Variants in TMCC1 observed in about 807,000 individuals in gnomAD.
TMCC1 encodes the protein transmembrane and coiled-coil domains protein 1.
Under a neutral mutation model 52.4 loss-of-function variants are expected in TMCC1, and 15 were observed. The ratio of observed to expected loss-of-function variants is 0.29; its 90% confidence interval spans 0.19 to 0.44. The LOEUF (loss-of-function observed/expected upper bound fraction) is 0.44, where lower values mean the gene tolerates loss of function less well. TMCC1 is among the 20% of genes least tolerant of loss of function. The pLI is 1.00. For synonymous variants in TMCC1, 279 were observed against 301.9 expected (o/e 0.92, Z 0.79); for missense variants, 503 against 806.0 (o/e 0.62, Z 4.55).
chr3:129,659,651 G>C (rs2086895036), intron 5 of TMCC1, among the ~76,000 whole-genome samples: 1 of 152,118 alleles, frequency 6.6e-6, no homozygotes, highest in African/African-American at 2.4e-5. Flanking sequence ...ATAAACCAAT[G>C]TTTATCATAA....
chr3:129,890,122 T>C (rs1235326841), intron 1 of TMCC1, among the ~76,000 whole-genome samples: 1 of 152,130 alleles, frequency 6.6e-6, no homozygotes, highest in African/African-American at 2.4e-5. Flanking sequence ...CTCTCCATAA[T>C]ATCTTTAAAA....
At chr3:129,767,837 C>T (rs1003840730) in intron 4 of TMCC1, among the ~76,000 whole-genome samples, 3 of 152,146 alleles carry the variant, frequency 2.0e-5, no homozygotes, top group African/African-American at 4.8e-5. Flanking sequence ...CATTTGAATG[C>T]TTTACTAAAG....
intron 1 of TMCC1, chr3:129,892,690 C>A (rs995210242): frequency 6.6e-6 from 1 of 152,218 alleles, no homozygotes; most frequent in Non-Finnish European, 1.5e-5. Context: ...GCCAACAGCT[C>A]AAGTGGGCTG....
chr3:129,769,287 T>A (rs2054360145), intron 4 of TMCC1, among the ~76,000 whole-genome samples: 2 of 152,224 alleles, frequency 1.3e-5, no homozygotes, highest in African/African-American at 4.8e-5. Context: ...TGGAGTGCAG[T>A]GGTGCGAACT....
chr3:129,757,803 C>T (rs2053152311), intron 4 of TMCC1, among the ~76,000 whole-genome samples: 1 of 151,846 alleles, frequency 6.6e-6, no homozygotes, highest in Non-Finnish European at 1.5e-5. Flanking sequence ...GCAGTCCAGC[C>T]TGGGTGACAG....
At chr3:129,738,727 A>AAAAAGT (rs1171514224) in intron 4 of TMCC1, among the ~76,000 whole-genome samples, 1 of 152,238 alleles carries the variant, frequency 6.6e-6, no homozygotes, top group Non-Finnish European at 1.5e-5. Flanking sequence ...TGGCGATTAA[A>AAAAAGT]AAAAGTGTTT....
intron 4 of TMCC1, among the ~76,000 whole-genome samples, chr3:129,827,310 C>T (rs73866135): frequency 0.015 from 2,358 of 152,268 alleles, 47 homozygotes; most frequent in African/African-American, 0.054. Flanking sequence ...AATGTATATG[C>T]TCTACTGTGG....
intron 2 of TMCC1, among the ~76,000 whole-genome samples, chr3:129,857,876 T>C (rs784713): frequency 0.98 from 149,869 of 152,370 alleles, 73,762 homozygotes; most frequent in Non-Finnish European, 1. Flanking sequence ...TCCAAGTAAC[T>C]GTTAACACAT....
chr3:129,789,155 T>C (rs1276173930), intron 4 of TMCC1, among the ~76,000 whole-genome samples: 2 of 152,184 alleles, frequency 1.3e-5, no homozygotes, highest in African/African-American at 4.8e-5. Flanking sequence ...TTCAGGACTG[T>C]TAATTACATA....
chr3:129,654,244 G>A (rs1053479729), intron 6 of TMCC1, among the ~76,000 whole-genome samples: 1 of 152,190 alleles, frequency 6.6e-6, no homozygotes, highest in African/African-American at 2.4e-5. Flanking sequence ...ACTATAGACA[G>A]ACAATGGATG....
chr3:129,748,845 C>G (rs1459848083), intron 4 of TMCC1, among the ~76,000 whole-genome samples: 1 of 151,744 alleles, frequency 6.6e-6, no homozygotes, highest in East Asian at 1.9e-4. Flanking sequence ...TCTACTAAAA[C>G]TACAAAAATT....
chr3:129,667,011 C>T (rs144961914), intron 5 of TMCC1, among the ~76,000 whole-genome samples: 7,276 of 151,582 alleles, frequency 0.048, 270 homozygotes, highest in Non-Finnish European at 0.071. Context: ...AAGCAATTCT[C>T]CTGCCTCAGC....
intron 4 of TMCC1, among the ~76,000 whole-genome samples, chr3:129,769,450 G>A (rs1372473516): frequency 6.6e-6 from 1 of 151,788 alleles, no homozygotes; most frequent in African/African-American, 2.4e-5. Flanking sequence ...GGCTGGTCTC[G>A]AACTCATGAC....
At chr3:129,777,570 G>C (rs2055144622) in intron 4 of TMCC1, among the ~76,000 whole-genome samples, 1 of 152,144 alleles carries the variant, frequency 6.6e-6, no homozygotes, top group African/African-American at 2.4e-5. Flanking sequence ...CCCAGAGAAA[G>C]ACAACATATT....
At chr3:129,709,497 A>AAAAAGAG (rs554837910) in intron 4 of TMCC1, among the ~76,000 whole-genome samples, 3,533 of 64,194 alleles carry the variant, frequency 0.055, 701 homozygotes, top group African/African-American at 0.1. Context: ...AAAAAAAAAA[A>AAAAAGAG]AGAGAGAGAG....
intron 4 of TMCC1, among the ~76,000 whole-genome samples, chr3:129,826,010 G>A (rs2107828966): frequency 6.6e-6 from 1 of 152,216 alleles, no homozygotes; most frequent in Non-Finnish European, 1.5e-5. Flanking sequence ...TTCTCTTGAA[G>A]TTTTCCAATA....
chr3:129,686,270 T>C (rs2089401310), intron 4 of TMCC1, among the ~76,000 whole-genome samples: 1 of 152,142 alleles, frequency 6.6e-6, no homozygotes, highest in Non-Finnish European at 1.5e-5. Flanking sequence ...ATACAAAATA[T>C]TTGCATTTTT....
At chr3:129,732,837 GAAAGAAAAAGGAAA>G (rs2050647803) in intron 4 of TMCC1, among the ~76,000 whole-genome samples, 1 of 152,066 alleles carries the variant, frequency 6.6e-6, no homozygotes, top group East Asian at 1.9e-4. Flanking sequence ...GAGAACAGAG[GAAAGAAAAAGGAAA>G]AAAGAAAAAG....
At chr3:129,874,660 C>A (rs2061103739) in intron 2 of TMCC1, among the ~76,000 whole-genome samples, 2 of 152,142 alleles carry the variant, frequency 1.3e-5, no homozygotes, top group Admixed American at 6.5e-5. Flanking sequence ...AGTTCAAGAC[C>A]AGCCTGGGCA....
Sources: allele counts gnomAD v4.1 joint callset (sites outside exome capture counted in the v4.1 genomes callset), GRCh38; gene constraint gnomAD v4.1.1; transcripts MANE v1.5; gene names NCBI Gene and HGNC (gene_info 2026-07-23, HGNC 2026-07-21).